The following PPP1R12C variants were observed in gnomAD, a reference collection of about 807,000 sequenced individuals.
PPP1R12C encodes the protein leukocyte receptor cluster (LRC) encoded novel gene 3.
PPP1R12C carries 48 observed loss-of-function variants against 95.6 expected under a neutral mutation model. The observed-to-expected ratio is 0.50, with a 90% confidence interval of 0.40 to 0.64. PPP1R12C has a LOEUF of 0.64. PPP1R12C is among the 30% of genes least tolerant of loss of function. The pLI is 0.00. For synonymous variants in PPP1R12C, 480 were observed against 460.8 expected, an observed-to-expected ratio of 1.04 and a Z score of -0.53; for missense variants, 1,057 against 1,083.3, an observed-to-expected ratio of 0.98 and a Z score of 0.34.
intron 15 of PPP1R12C, 73 bp from the exon 16 acceptor site, chr19:55,092,941 C>T: frequency 1.9e-6 from 3 of 1,580,010 alleles, no homozygotes; most frequent in Non-Finnish European, 1.7e-6. Flanking sequence ...CGGGTCAAGC[C>T]CCCAGGAAAG....
At chr19:55,095,778 A>C in intron 9 of PPP1R12C, 89 bp downstream of exon 9, 2 of 1,542,136 alleles carry the variant, frequency 1.3e-6, no homozygotes, top group Non-Finnish European at 1.8e-6. Flanking sequence ...TCTTCCCCCT[A>C]TCTGCCCCTG....
intron 11 of PPP1R12C, 75 bp downstream of exon 11, chr19:55,095,216 C>T: frequency 6.9e-7 from 1 of 1,455,826 alleles, no homozygotes; most frequent in Non-Finnish European, 9.4e-7. Context: ...CATGGTCTCA[C>T]TCAGGATCAC....
chr19:55,095,958 C>T lies in PPP1R12C; in HGVS notation c.1154-18G>A, dbSNP rs535341197. ...GGGTGGTTCTGTGATGTGGGAACAC[C>T]GGGCAGGTCACAGAAGATGCCAGTT... On this transcript the variant is annotated intron_variant, in intron 8 of 21. Coordinates refer to ENST00000263433, the MANE Select transcript of PPP1R12C (RefSeq NM_017607.4). 4 of 1,611,060 alleles carry T rather than the reference C, an allele frequency of 2.5e-6. No individual in the cohort carries two copies. Among genetic ancestry groups the T allele is most frequent in the South Asian group, 2.2e-5 (2 of 90,938 alleles).
At chr19:55,111,287 T>C (rs1354998460) in intron 3 of PPP1R12C, 2 of 152,076 alleles carry the variant, frequency 1.3e-5, no homozygotes, top group African/African-American at 4.8e-5. Flanking sequence ...AGTGTGCACT[T>C]TGGGTGAATT....
chr19:55,095,010 G>A (rs575866796), intron 11 of PPP1R12C: 41 of 701,392 alleles, frequency 5.8e-5, no homozygotes, highest in Middle Eastern at 4.0e-4. Flanking sequence ...GCAGCAGTGC[G>A]AGAACTGAGA....
At chr19:55,101,807 G>A (rs1215465107) in intron 4 of PPP1R12C, among the ~76,000 whole-genome samples, 1 of 152,156 alleles carries the variant, frequency 6.6e-6, no homozygotes. Context: ...AGGTCCAGGG[G>A]CTCTGCTTCA....
chr19:55,113,293 G>A (rs935920016), intron 1 of PPP1R12C: 19 of 853,666 alleles, frequency 2.2e-5, no homozygotes, highest in Admixed American at 7.2e-5. Flanking sequence ...GAACGAAGCC[G>A]TGGGCCCAGG....
chr19:55,113,399 C>T (rs1282217829), intron 1 of PPP1R12C: 5 of 1,475,826 alleles, frequency 3.4e-6, no homozygotes, highest in Non-Finnish European at 4.5e-6. Context: ...CACCTGTGTG[C>T]CTGGGCCCCA....
intron 3 of PPP1R12C, among the ~76,000 whole-genome samples, chr19:55,107,450 C>T (rs900315557): frequency 6.6e-6 from 1 of 152,062 alleles, no homozygotes; most frequent in Non-Finnish European, 1.5e-5. Context: ...TTGGAACCAA[C>T]CCAAATGTCC....
intron 11 of PPP1R12C, 147 bp downstream of exon 11, chr19:55,095,144 G>C (rs949969983): frequency 4.7e-5 from 43 of 924,468 alleles, no homozygotes; most frequent in Middle Eastern, 3.3e-4. Flanking sequence ...GAGGGAGAGA[G>C]CCCCCAAGAG....
chr19:55,103,258 AAG>A, intron 4 of PPP1R12C, 149 bp downstream of exon 4: 2 of 606,228 alleles, frequency 3.3e-6, no homozygotes, highest in Non-Finnish European at 5.0e-6. Context: ...CAATAAAAAA[AAG>A]ACTGCACATC....
chr19:55,117,284 G>A lies in PPP1R12C; in HGVS notation c.260C>T (p.Pro87Leu). Residue 87 changes from proline (P) to leucine (L), a missense_variant, in exon 1 of 22, where the codon CCG becomes CTG. Coordinates refer to ENST00000263433, the MANE Select transcript of PPP1R12C (RefSeq NM_017607.4). The stretch of plus-strand genomic sequence containing the variant: ...GTCCAGCACGGCGCGGGCGGGCGGC[G>A]GCGCGGCGGGGTCGAGCTCGGCGCC... The part of the protein sequence containing the change: ...GPGAELDPAA[P>L]PPARAVLDST... The A allele has an allele frequency of 8.2e-7, 1 of 1,220,258 alleles. No homozygotes were observed. Among genetic ancestry groups the A allele is most frequent in the South Asian group, 4.1e-5 (1 of 24,354 alleles). 75.6% of individuals were successfully genotyped at this position (1,220,258 alleles called of 1,614,324 possible).
chr19:55,111,153 G>A (rs1011247550), intron 3 of PPP1R12C, among the ~76,000 whole-genome samples: 2 of 120,442 alleles, frequency 1.7e-5, no homozygotes, highest in East Asian at 2.6e-4. Flanking sequence ...GGGGGGGAGG[G>A]GGGGGTGCAT....
chr19:55,117,591 G>A lies in PPP1R12C; in HGVS notation c.-48C>T, dbSNP rs541187638. On this transcript the variant is annotated 5_prime_UTR_variant, in exon 1 of 22. Coordinates refer to ENST00000263433, the MANE Select transcript of PPP1R12C (RefSeq NM_017607.4). ...AGCGAGCGAGCGCCGAGCCCCAACC[G>A]CCGCCACCACCCGCCCGCCCGCCCG... 5 of 966,932 alleles carry A rather than the reference G, an allele frequency of 5.2e-6. No individual in the cohort carries two copies. The highest frequency in any genetic ancestry group is 9.3e-5 in the South Asian group (2 of 21,604). The allele number at this position is 966,932 out of a possible 1,614,324, so 59.9% of individuals were successfully genotyped here. A position where few individuals can be genotyped will look rare whatever the true frequency, so the allele number is the denominator to read the frequency against.
intron 3 of PPP1R12C, among the ~76,000 whole-genome samples, chr19:55,107,318 G>A (rs1328907005): frequency 6.6e-6 from 1 of 152,120 alleles, no homozygotes; most frequent in Non-Finnish European, 1.5e-5. Flanking sequence ...GAAGGCTGAG[G>A]CAGGAGACTT....
chr19:55,115,985 T>C (rs1446534583), intron 1 of PPP1R12C, among the ~76,000 whole-genome samples: 1 of 152,058 alleles, frequency 6.6e-6, no homozygotes, highest in Non-Finnish European at 1.5e-5. Flanking sequence ...CTGGAAGAGC[T>C]AGCACAGACT....
At chr19:55,095,647 T>G (rs2084902637) in intron 9 of PPP1R12C, 44 bp from the exon 10 acceptor site, 1 of 1,513,394 alleles carries the variant, frequency 6.6e-7, no homozygotes, top group Non-Finnish European at 8.8e-7. Context: ...AGGATCCCTC[T>G]TCTCAGACCT....
chr19:55,106,746 T>C (rs117579136), intron 3 of PPP1R12C, among the ~76,000 whole-genome samples: 1,651 of 152,328 alleles, frequency 0.011, 13 homozygotes, highest in Non-Finnish European at 0.016. Context: ...TGACCTCATC[T>C]TGACTTTCCT....
rs2085069526 is a variant in PPP1R12C at position 55,109,164 on chromosome 19, G to A, written c.571+3303C>T. Among the ~76,000 whole-genome samples, 1 of 152,188 alleles carries A rather than the reference G, an allele frequency of 6.6e-6. No homozygotes were observed. Among genetic ancestry groups the A allele is most frequent in the Non-Finnish European group, 1.5e-5 (1 of 68,038 alleles). ...CAGGGTCTTGCCCCCAGGCTGGAGT[G>A]ACCGTGGTTCACTGCATCTTCCACC... On this transcript the variant is annotated intron_variant, in intron 3 of 21. Transcript: ENST00000263433. This position sits in a 1 kb window ranked among gnomAD's most constrained non-coding sequence, Gnocchi z 4.4.
Sources: allele counts gnomAD v4.1 joint callset (sites outside exome capture counted in the v4.1 genomes callset), GRCh38; gene constraint gnomAD v4.1.1; non-coding constraint Gnocchi (gnomAD v3.1); transcripts MANE v1.5; gene names NCBI Gene and HGNC (gene_info 2026-07-23, HGNC 2026-07-21).